Variants in ICA1 observed in about 807,000 individuals in gnomAD.
The protein encoded by ICA1 is islet cell autoantigen 1.
Under a neutral mutation model 71.0 loss-of-function variants are expected in ICA1, and 40 were observed. The ratio of observed to expected loss-of-function variants is 0.56; its 90% CI spans 0.44 to 0.73. The LOEUF (loss-of-function observed/expected upper bound fraction) is 0.73, where lower values mean the gene tolerates loss of function less well. ICA1 is among the 30% of genes least tolerant of loss of function. ICA1 has a pLI of 0.00. For missense variants in ICA1, 578 were observed against 576.5 expected (o/e 1.00, Z -0.03); for synonymous variants, 207 against 209.5 (o/e 0.99, Z 0.10).
chr7:8,152,632 C>T (rs1293842357), intron 8 of ICA1, among the ~76,000 whole-genome samples: 5 of 142,118 alleles, frequency 3.5e-5, no homozygotes, highest in Non-Finnish European at 8.0e-5. Context: ...TCCACCACTA[C>T]CACCATCTCC....
Position 8,228,378 on chromosome 7 carries a change from T to C in ICA1, c.256+223A>G, listed in dbSNP as rs557139261. Among the ~76,000 whole-genome samples, 6 of 152,308 alleles carry C rather than the reference T, an allele frequency of 3.9e-5. No homozygotes were observed. In the East Asian group the frequency reaches 9.6e-4, roughly 24 times the overall value. The stretch of plus-strand genomic sequence containing the variant: ...ATTGGGAAAATAAATGGCATGTCCA[T>C]ATCCATGGGAGATCCAAACAGAATT... On this transcript the variant is annotated intron_variant, in intron 4 of 13. Coordinates refer to ENST00000402384, the MANE Select transcript of ICA1 (RefSeq NM_001136020.3).
At chr7:8,205,438 T>C (rs1377312629) in intron 6 of ICA1, among the ~76,000 whole-genome samples, 1 of 152,224 alleles carries the variant, frequency 6.6e-6, no homozygotes, top group African/African-American at 2.4e-5. Context: ...CAGTCATACC[T>C]GACTTTAACA....
intron 1 of ICA1, among the ~76,000 whole-genome samples, chr7:8,243,332 T>C (rs557156300): frequency 5.7e-4 from 87 of 152,326 alleles, no homozygotes; most frequent in African/African-American, 2.0e-3. Flanking sequence ...ATTATCTCAA[T>C]GGATGCAGAA....
chr7:8,227,594 G>C (rs752756998), intron 4 of ICA1: 7 of 387,134 alleles, frequency 1.8e-5, no homozygotes, highest in Non-Finnish European at 2.5e-5. Context: ...GGACTTTCCT[G>C]AAGTAGTTGT....
chr7:8,248,532 C>T (rs913183529), intron 1 of ICA1, among the ~76,000 whole-genome samples: 80 of 151,992 alleles, frequency 5.3e-4, no homozygotes, highest in African/African-American at 1.8e-3. Context: ...CGAGACCAGA[C>T]GATGAAACCC....
intron 3 of ICA1, among the ~76,000 whole-genome samples, chr7:8,230,890 T>TA (rs1369265423): frequency 6.6e-6 from 1 of 152,204 alleles, no homozygotes; most frequent in Non-Finnish European, 1.5e-5. Flanking sequence ...CACATACCCT[T>TA]ATTCAGTTGG....
chr7:8,157,239 T>C (rs1360394373), intron 7 of ICA1, 25 bp from the exon 8 acceptor site: 1 of 1,573,238 alleles, frequency 6.4e-7, no homozygotes. Context: ...AGTAAAGCTA[T>C]TAATGTTTTG....
At chr7:8,206,405 G>C (rs1229083037) in intron 6 of ICA1, among the ~76,000 whole-genome samples, 1 of 152,012 alleles carries the variant, frequency 6.6e-6, no homozygotes, top group African/African-American at 2.4e-5. Context: ...TGCCCCTAAA[G>C]CCTGATTTCT....
chr7:8,129,627 A>G (rs1054228979), intron 12 of ICA1, among the ~76,000 whole-genome samples: 3 of 152,208 alleles, frequency 2.0e-5, no homozygotes, highest in African/African-American at 4.8e-5. Flanking sequence ...ACTAAGAGCT[A>G]GCCTGTAGGT....
chr7:8,120,513 T>C (rs1786496001), intron 13 of ICA1, among the ~76,000 whole-genome samples: 1 of 152,182 alleles, frequency 6.6e-6, no homozygotes, highest in Non-Finnish European at 1.5e-5. Flanking sequence ...ATAATTGCCA[T>C]CAACTGTTCT....
intron 8 of ICA1, among the ~76,000 whole-genome samples, chr7:8,148,179 A>G (rs1487833452): frequency 2.0e-5 from 3 of 152,202 alleles, no homozygotes; most frequent in African/African-American, 2.4e-5. Flanking sequence ...ATCATAAAAA[A>G]TCCTTCAAGT....
At chr7:8,205,005 C>A (rs139639656) in intron 6 of ICA1, among the ~76,000 whole-genome samples, 1 of 146,586 alleles carries the variant, frequency 6.8e-6, no homozygotes, top group Non-Finnish European at 1.5e-5. Context: ...GTCTAACTTA[C>A]GAAATCTAAC....
intron 5 of ICA1, chr7:8,219,031 T>G: frequency 1.1e-5 from 2 of 174,228 alleles, no homozygotes; most frequent in South Asian, 2.6e-4. Context: ...ACCAGCACAT[T>G]TACTGAGAGG....
At position 8,221,350 on chromosome 7, in the gene ICA1, C is replaced by A; in HGVS notation, c.305G>T (p.Gly102Val). ...NELGKFLRSQGFQDKTRAGKM... is the reference protein window; with the variant it reads ...NELGKFLRSQVFQDKTRAGKM... ...TCCTGCTCTGGTTTTATCTTGGAAA[C>A]CTTGGGATCGAAGAAATTTTCCCAG... The change falls in exon 5 of 14, where the codon GGT becomes GTT. Residue 102 changes from glycine to valine, a missense_variant. Gly to Val is a moderately radical substitution (Grantham distance 109). Transcript: ENST00000402384. 2 of 1,613,638 alleles carry A rather than the reference C, an allele frequency of 1.2e-6. No homozygotes were observed. The highest frequency in any genetic ancestry group is 1.7e-6 in the Non-Finnish European group (2 of 1,179,684).
chr7:8,235,088 A>G (rs1583581328), intron 2 of ICA1, among the ~76,000 whole-genome samples: 1 of 152,008 alleles, frequency 6.6e-6, no homozygotes, highest in African/African-American at 2.4e-5. Flanking sequence ...CACTTGAACC[A>G]GGGAGGCGGA....
chr7:8,182,746 C>T (rs1782597455), intron 6 of ICA1, among the ~76,000 whole-genome samples: 1 of 152,138 alleles, frequency 6.6e-6, no homozygotes, highest in African/African-American at 2.4e-5. Context: ...CTTTTAAAAA[C>T]TTTATTTTTG....
intron 6 of ICA1, among the ~76,000 whole-genome samples, chr7:8,211,351 G>A (rs190680938): frequency 5.9e-5 from 9 of 152,230 alleles, no homozygotes; most frequent in East Asian, 1.9e-4. Context: ...ACTGCCCCCC[G>A]GTGACGGGCA....
intron 6 of ICA1, among the ~76,000 whole-genome samples, chr7:8,183,841 T>A (rs1001342252): frequency 2.0e-5 from 3 of 152,188 alleles, no homozygotes; most frequent in Non-Finnish European, 4.4e-5. Context: ...ATTCAAAAGC[T>A]ACAGATAAGG....
chr7:8,221,480 CCT>C (rs1420242951), intron 4 of ICA1, 82 bp from the exon 5 acceptor site: 3 of 1,487,548 alleles, frequency 2.0e-6, no homozygotes, highest in South Asian at 1.2e-5. Flanking sequence ...ATCACAAGGT[CCT>C]CTCTCTTCCA....
Sources: gnomAD v4.1 joint callset for allele counts (sites outside exome capture counted in the v4.1 genomes callset) on GRCh38, gnomAD v4.1.1 for gene constraint, MANE v1.5 for transcripts, NCBI Gene and HGNC (gene_info 2026-07-23, HGNC 2026-07-21) for gene names.